The following PARD3B variants were observed in gnomAD, a reference collection of about 807,000 sequenced individuals.
PARD3B encodes partitioning defective 3 homolog B.
PARD3B carries 103 observed loss-of-function variants against 130.2 expected under a neutral mutation model. The ratio of observed to expected loss-of-function variants is 0.79; its 90% confidence interval spans 0.67 to 0.93. The LOEUF is 0.93. PARD3B is among the 40% of genes least tolerant of loss of function. PARD3B has a pLI of 0.00. For synonymous variants in PARD3B, 583 were observed against 553.2 expected, an observed-to-expected ratio of 1.05 and a Z score of -0.76; for missense variants, 1,609 against 1,499.2, an observed-to-expected ratio of 1.07 and a Z score of -1.21.
chr2:205,580,665 GAATT>G (rs768089916), intron 22 of PARD3B, among the ~76,000 whole-genome samples: 3 of 152,172 alleles, frequency 2.0e-5, no homozygotes, highest in Non-Finnish European at 4.4e-5. Flanking sequence ...GGTTTTAAAA[GAATT>G]AATCACGAAG....
intron 2 of PARD3B, among the ~76,000 whole-genome samples, chr2:204,892,256 T>C (rs1230746369): frequency 6.6e-6 from 1 of 152,182 alleles, no homozygotes; most frequent in Non-Finnish European, 1.5e-5. Flanking sequence ...AAGGAACACC[T>C]GTGCCTGGAG....
chr2:205,236,263 T>C, intron 15 of PARD3B, among the ~76,000 whole-genome samples: 1 of 152,104 alleles, frequency 6.6e-6, no homozygotes, highest in East Asian at 1.9e-4. Context: ...ACTTGTTTCA[T>C]AAAAAGAAAT....
In PARD3B at chr2:204,914,201, T is replaced by TGTG. The variant is rs377419651; in HGVS notation, c.223-50951_223-50950insGTG. Among the ~76,000 whole-genome samples the TGTG allele has an allele frequency of 4.6e-5, 7 of 152,318 alleles. No homozygotes were observed. In the East Asian group the frequency reaches 1.4e-3, roughly 29 times the overall value. On this transcript the variant is annotated intron_variant, in intron 2 of 22. Coordinates refer to ENST00000406610, the MANE Select transcript of PARD3B (RefSeq NM_001302769.2). ...ATTCAGTCTGTGAGATGAGGGTCTG[T>TGTG]TAACAAGAACCTCTCTTGCTTTGAT...
chr2:204,809,315 A>G (rs1290266026), intron 2 of PARD3B, among the ~76,000 whole-genome samples: 1 of 152,100 alleles, frequency 6.6e-6, no homozygotes, highest in Non-Finnish European at 1.5e-5. Context: ...TTTTGTTACA[A>G]TTGCTTTTGG....
At chr2:204,717,304 A>T (rs1001236093) in intron 2 of PARD3B, among the ~76,000 whole-genome samples, 2 of 152,178 alleles carry the variant, frequency 1.3e-5, no homozygotes, top group Non-Finnish European at 2.9e-5. Flanking sequence ...TAAGTCCAAG[A>T]ATATGCTTTT....
intron 21 of PARD3B, among the ~76,000 whole-genome samples, chr2:205,507,316 G>C (rs891708602): frequency 7.0e-6 from 1 of 142,636 alleles, no homozygotes; most frequent in African/African-American, 2.6e-5. Flanking sequence ...CGGGGTTCAC[G>C]GCATTCTCCT....
chr2:205,174,443 G>C (rs1456978404), intron 12 of PARD3B, among the ~76,000 whole-genome samples: 1 of 152,164 alleles, frequency 6.6e-6, no homozygotes, highest in Non-Finnish European at 1.5e-5. Flanking sequence ...GAAGATTAAA[G>C]AGCATTGTTT....
intron 21 of PARD3B, among the ~76,000 whole-genome samples, chr2:205,513,555 C>T (rs2050672161): frequency 1.3e-5 from 2 of 152,038 alleles, no homozygotes; most frequent in Non-Finnish European, 2.9e-5. Flanking sequence ...AGAAGAAAAC[C>T]TGTTAATATC....
intron 18 of PARD3B, among the ~76,000 whole-genome samples, chr2:205,388,786 C>G (rs2045752129): frequency 6.6e-6 from 1 of 152,170 alleles, no homozygotes; most frequent in South Asian, 2.1e-4. Flanking sequence ...CCCGAAATGA[C>G]TGTCCCATCA....
At chr2:204,654,988 G>A (rs2035596274) in intron 1 of PARD3B, among the ~76,000 whole-genome samples, 2 of 152,134 alleles carry the variant, frequency 1.3e-5, no homozygotes, top group Non-Finnish European at 2.9e-5. Context: ...TGGAACAGCA[G>A]CTCCAAGGGA....
intron 21 of PARD3B, among the ~76,000 whole-genome samples, chr2:205,548,897 A>G (rs2052494951): frequency 6.6e-6 from 1 of 152,200 alleles, no homozygotes; most frequent in Non-Finnish European, 1.5e-5. Context: ...TCCAAAATAC[A>G]GAAAGAAATC....
At chr2:205,111,375 G>T (rs1575816790) in intron 5 of PARD3B, among the ~76,000 whole-genome samples, 1 of 152,000 alleles carries the variant, frequency 6.6e-6, no homozygotes, top group Middle Eastern at 3.4e-3. Flanking sequence ...TCATAAAATA[G>T]AACTCAACTT....
Position 205,021,046 on chromosome 2 carries a change from C to T in PARD3B, c.395-26535C>T, listed in dbSNP as rs547855180. On this transcript the variant is annotated intron_variant, in intron 3 of 22. Coordinates refer to ENST00000406610, the MANE Select transcript of PARD3B (RefSeq NM_001302769.2). The surrounding 1 kb of genome is among the most constrained non-coding windows in gnomAD (Gnocchi z 4.5). ...CTGAGCATGTCAGCTGAAAAGATGG[C>T]AGAGTTCAGAGAAAGGTGATGGGAG... 6.6e-6 allele frequency among the ~76,000 whole-genome samples: 1 copy of T among 152,082 alleles called. No homozygotes were observed. Among genetic ancestry groups the T allele is most frequent in the Non-Finnish European group, 1.5e-5 (1 of 68,026 alleles).
chr2:204,742,209 T>C (rs552734520), intron 2 of PARD3B, among the ~76,000 whole-genome samples: 68 of 152,330 alleles, frequency 4.5e-4, no homozygotes, highest in African/African-American at 1.6e-3. Flanking sequence ...GGTAGCTTTA[T>C]ATGTATAAAA....
At chr2:204,947,281 T>C (rs1689403331) in intron 2 of PARD3B, among the ~76,000 whole-genome samples, 1 of 152,134 alleles carries the variant, frequency 6.6e-6, no homozygotes, top group Non-Finnish European at 1.5e-5. Flanking sequence ...ATAATGAATT[T>C]ACAGTCTTTT....
At chr2:205,132,325 T>G (rs1458194455) in intron 10 of PARD3B, among the ~76,000 whole-genome samples, 1 of 152,162 alleles carries the variant, frequency 6.6e-6, no homozygotes, top group African/African-American at 2.4e-5. Flanking sequence ...TATTATTACT[T>G]GTTGCAGGAG....
At chr2:205,178,438 G>A (rs996575822) in intron 13 of PARD3B, among the ~76,000 whole-genome samples, 5 of 152,032 alleles carry the variant, frequency 3.3e-5, no homozygotes, top group African/African-American at 7.2e-5. Flanking sequence ...ACAGAGCAAG[G>A]AGACTCTGTT....
rs1465429528 is a variant in PARD3B, at chr2:204,570,545, G to C, written c.120+24426G>C. Among the ~76,000 whole-genome samples, 3 of 152,332 alleles carry C rather than the reference G, an allele frequency of 2.0e-5. No homozygotes were observed. The East Asian group carries it at 5.8e-4, about 29-fold the overall frequency. ...TTTGGGGACCTCTCAAAAATACGGA[G>C]AGTCTTGTTTGCCTGGATAGGAGCT... On this transcript the variant is annotated intron_variant, in intron 1 of 22. Coordinates refer to ENST00000406610, the MANE Select transcript of PARD3B (RefSeq NM_001302769.2).
chr2:205,063,876 A>G (rs149340832), intron 4 of PARD3B, among the ~76,000 whole-genome samples: 8 of 152,332 alleles, frequency 5.3e-5, no homozygotes, highest in African/African-American at 1.7e-4. Flanking sequence ...CAACTGACAT[A>G]CAGAACATAG....
Sources: gnomAD v4.1 joint callset for allele counts (sites outside exome capture counted in the v4.1 genomes callset) on GRCh38, gnomAD v4.1.1 for gene constraint, Gnocchi (gnomAD v3.1) non-coding constraint, MANE v1.5 for transcripts, NCBI Gene and HGNC (gene_info 2026-07-23, HGNC 2026-07-21) for gene names.